The following PDE3A variants were observed in gnomAD, a reference collection of about 807,000 sequenced individuals.
The protein encoded by PDE3A is cGMP-inhibited 3',5'-cyclic phosphodiesterase 3A.
A neutral mutation model predicts 98.3 loss-of-function variants in PDE3A; 43 were observed. The observed-to-expected ratio is 0.44, with a 90% CI of 0.34 to 0.56. The LOEUF (loss-of-function observed/expected upper bound fraction) is 0.56, where lower values mean the gene tolerates loss of function less well. Among genes scored for constraint, PDE3A ranks in the 20% least tolerant of loss-of-function variants. PDE3A has a pLI of 0.01. For missense variants in PDE3A, 1,427 were observed against 1,440.7 expected (o/e 0.99, Z 0.15); for synonymous variants, 663 against 567.9 (o/e 1.17, Z -2.38).
At chr12:20,436,948 C>G (rs1030803051) in intron 1 of PDE3A, among the ~76,000 whole-genome samples, 1 of 152,112 alleles carries the variant, frequency 6.6e-6, no homozygotes, top group Non-Finnish European at 1.5e-5. Context: ...GATGATAAAG[C>G]TAATTTTTAA....
At chr12:20,376,175 G>T (rs966485495) in intron 1 of PDE3A, among the ~76,000 whole-genome samples, 2 of 151,822 alleles carry the variant, frequency 1.3e-5, no homozygotes, top group African/African-American at 4.8e-5. Flanking sequence ...TAAATAGCTG[G>T]TTGCACTGAT....
At chr12:20,665,311 T>C (rs1008875799) in intron 15 of PDE3A, among the ~76,000 whole-genome samples, 1 of 152,260 alleles carries the variant, frequency 6.6e-6, no homozygotes, top group Non-Finnish European at 1.5e-5. Context: ...CAATAGTGAA[T>C]GCTGACATTA....
chr12:20,648,524 TAG>T (rs775993534), intron 12 of PDE3A, among the ~76,000 whole-genome samples, 162 bp from the exon 13 acceptor site: 100 of 152,146 alleles, frequency 6.6e-4, no homozygotes, highest in Non-Finnish European at 1.0e-3. Flanking sequence ...AGAAAAATAA[TAG>T]AGTCATTGTA....
At position 20,654,000 on chromosome 12, in the gene PDE3A, T is replaced by G. The variant is rs1366365035; in HGVS notation, c.2979T>G (p.Ser993=). Residue 993 remains serine (S), a synonymous_variant, in exon 15 of 16, where the codon TCT becomes TCG. Transcript: ENST00000359062. ...CCATAAGCCCCTTCATGGATCGTTCTGCTCCTCAGCTGGCCAACCTTCAGG... is the reference window on the plus strand; with the variant it reads ...CCATAAGCCCCTTCATGGATCGTTCGGCTCCTCAGCTGGCCAACCTTCAGG... ...GLPISPFMDR[S]APQLANLQES... is the part of the protein sequence containing the mutation. 1 of 1,614,160 alleles carries G rather than the reference T, an allele frequency of 6.2e-7. No homozygotes were observed. Among genetic ancestry groups the G allele is most frequent in the Admixed American group, 1.7e-5 (1 of 60,022 alleles).
chr12:20,379,820 T>C (rs1211617329), intron 1 of PDE3A, among the ~76,000 whole-genome samples: 1 of 151,742 alleles, frequency 6.6e-6, no homozygotes, highest in African/African-American at 2.4e-5. Flanking sequence ...TTGCATATGT[T>C]ACATAAGGGG....
chr12:20,526,687 T>G (rs2121170577), intron 1 of PDE3A, among the ~76,000 whole-genome samples: 1 of 151,858 alleles, frequency 6.6e-6, no homozygotes, highest in Middle Eastern at 3.4e-3. Context: ...GGATGCCAGT[T>G]TATGTTATTT....
At chr12:20,567,334 C>T (rs776774852) in intron 2 of PDE3A, among the ~76,000 whole-genome samples, 5 of 151,936 alleles carry the variant, frequency 3.3e-5, no homozygotes, top group Non-Finnish European at 7.4e-5. Context: ...ATATCTAAAG[C>T]ATGAATAATA....
rs903227633 is a variant in PDE3A, at chr12:20,369,683, G to T, written c.399G>T (p.Ser133=). ...GGCTCAGCCCCTGGCTGCAGCCCTC[G>T]GCGCTGCTCTTCAGTCTCCTGTGTG... ...GARLSPWLQP[S]ALLFSLLCAF... is the part of the protein sequence containing the mutation. The change falls in exon 1 of 16, where the codon TCG becomes TCT. Residue 133 remains serine (S), a synonymous_variant. Transcript: ENST00000359062. The T allele has an allele frequency of 6.2e-7, 1 of 1,610,460 alleles. No homozygotes were observed. Among genetic ancestry groups the T allele is most frequent in the South Asian group, 1.1e-5 (1 of 90,702 alleles).
chr12:20,460,725 C>T (rs182103428), intron 1 of PDE3A, among the ~76,000 whole-genome samples: 8 of 152,246 alleles, frequency 5.3e-5, no homozygotes, highest in African/African-American at 1.9e-4. Context: ...AAGATGGCTT[C>T]AGCCTGATTA....
intron 1 of PDE3A, among the ~76,000 whole-genome samples, chr12:20,549,396 G>A (rs530649463): frequency 1.0e-4 from 14 of 133,846 alleles, no homozygotes; most frequent in African/African-American, 3.4e-4. Flanking sequence ...CTCTTTCTTT[G>A]CATTAAAAAA....
chr12:20,680,146 A>G lies in PDE3A; in HGVS notation c.3301A>G (p.Asn1101Asp). 6.2e-7 allele frequency: 1 copy of G among 1,613,936 alleles called. No homozygotes were observed. The highest frequency in any genetic ancestry group is 1.6e-4 in the Middle Eastern group (1 of 6,062). Residue 1101 changes from asparagine to aspartate, a missense_variant, in exon 16 of 16, where the codon AAT becomes GAT. Transcript: ENST00000359062. Reference protein sequence around the residue: ...EEEQRLAGIENQSLDQTPQSH... With the variant: ...EEEQRLAGIEDQSLDQTPQSH... The stretch of plus-strand genomic sequence containing the variant: ...GGAGCAACGGTTGGCAGGCATAGAA[A>G]ATCAATCCCTGGACCAGACCCCTCA...
intron 8 of PDE3A, among the ~76,000 whole-genome samples, chr12:20,635,752 CAAA>C (rs11454612): frequency 2.4e-5 from 2 of 84,054 alleles, no homozygotes; most frequent in Admixed American, 1.4e-4. Flanking sequence ...CACTCTATCT[CAAA>C]AAAAAAAAAA....
chr12:20,489,327 C>T (rs1195569908), intron 1 of PDE3A, among the ~76,000 whole-genome samples: 1 of 152,096 alleles, frequency 6.6e-6, no homozygotes, highest in African/African-American at 2.4e-5. Context: ...AAAGTTGGAG[C>T]GTTATAGCCA....
At chr12:20,666,309 T>A (rs1712451542) in intron 15 of PDE3A, among the ~76,000 whole-genome samples, 1 of 152,212 alleles carries the variant, frequency 6.6e-6, no homozygotes, top group South Asian at 2.1e-4. Context: ...CTTCCCACTA[T>A]TTTAAAGTAT....
intron 5 of PDE3A, among the ~76,000 whole-genome samples, chr12:20,623,038 G>A (rs894380227): frequency 6.6e-6 from 1 of 152,054 alleles, no homozygotes; most frequent in African/African-American, 2.4e-5. Flanking sequence ...AAAAATAATA[G>A]CAATGAGAAA....
chr12:20,642,199 C>T (rs924561623), intron 10 of PDE3A, among the ~76,000 whole-genome samples: 2 of 151,980 alleles, frequency 1.3e-5, no homozygotes, highest in Non-Finnish European at 2.9e-5. Context: ...AACTAAATTT[C>T]TTATTATAGT....
chr12:20,668,737 C>T (rs1352299940), intron 15 of PDE3A, among the ~76,000 whole-genome samples: 95 of 150,932 alleles, frequency 6.3e-4, no homozygotes, highest in Admixed American at 9.9e-4. Context: ...GATAAAACCA[C>T]AAAGATGGGG....
intron 5 of PDE3A, among the ~76,000 whole-genome samples, chr12:20,624,024 T>C (rs557963045): frequency 6.6e-5 from 10 of 152,150 alleles, no homozygotes; most frequent in Middle Eastern, 3.4e-3. Flanking sequence ...ATTCAAGAGA[T>C]GAAATATAAA....
intron 4 of PDE3A, among the ~76,000 whole-genome samples, chr12:20,616,756 C>G (rs1180630814): frequency 6.6e-6 from 1 of 151,984 alleles, no homozygotes; most frequent in East Asian, 1.9e-4. Context: ...TGAGATCCCC[C>G]AGCCCAGTCA....
Sources: allele counts gnomAD v4.1 joint callset (sites outside exome capture counted in the v4.1 genomes callset), GRCh38; gene constraint gnomAD v4.1.1; transcripts MANE v1.5; gene names NCBI Gene and HGNC (gene_info 2026-07-23, HGNC 2026-07-21).